The following LRP5 variants were observed in gnomAD, a reference collection of about 807,000 sequenced individuals.
LRP5 encodes low-density lipoprotein receptor-related protein 5.
LRP5 carries 62 observed loss-of-function variants against 154.1 expected under a neutral mutation model. That is an observed-to-expected ratio of 0.40 (90% CI 0.33 to 0.50). LRP5 has a LOEUF of 0.50. LRP5 is among the 20% of genes least tolerant of loss of function. The pLI is 0.55. For synonymous variants in LRP5, 966 were observed against 1,011.5 expected, an observed-to-expected ratio of 0.96 and a Z score of 0.85; for missense variants, 1,915 against 2,336.7, an observed-to-expected ratio of 0.82 and a Z score of 3.72.
chr11:68,332,680 C>T (rs924352929), intron 1 of LRP5, among the ~76,000 whole-genome samples: 10 of 152,178 alleles, frequency 6.6e-5, no homozygotes, highest in African/African-American at 2.2e-4. Flanking sequence ...CTACGGGAGA[C>T]TTGGTCTACT....
At chr11:68,427,106 C>T (rs1239640720) in intron 16 of LRP5, among the ~76,000 whole-genome samples, 1 of 152,222 alleles carries the variant, frequency 6.6e-6, no homozygotes, top group Non-Finnish European at 1.5e-5. Flanking sequence ...TTAGCCTCCC[C>T]TTTGATAGAC....
At chr11:68,299,566 C>G in the LRP5 span, among the ~76,000 whole-genome samples, 2 of 144,770 alleles carry the variant, frequency 1.4e-5, no homozygotes, top group East Asian at 4.0e-4. Flanking sequence ...TGAGGAAGAG[C>G]TGAAGGGGAA....
chr11:68,347,606 AGGT>A (rs2098614219), intron 1 of LRP5, among the ~76,000 whole-genome samples: 1 of 152,236 alleles, frequency 6.6e-6, no homozygotes, highest in Admixed American at 6.5e-5. Context: ...GTAAACAAAC[AGGT>A]GCTGTCACCG....
chr11:68,355,941 G>A (rs937979786), intron 2 of LRP5, among the ~76,000 whole-genome samples: 28 of 151,964 alleles, frequency 1.8e-4, no homozygotes, highest in Middle Eastern at 3.4e-3. Flanking sequence ...CCGGGTTCAC[G>A]CCATTCTCCT....
At chr11:68,366,930 C>G (rs982938420) in intron 5 of LRP5, among the ~76,000 whole-genome samples, 2 of 131,448 alleles carry the variant, frequency 1.5e-5, no homozygotes, top group Non-Finnish European at 3.1e-5. Flanking sequence ...GGCATTGCTC[C>G]GAGGCACTGG....
chr11:68,332,207 T>C (rs1266002721), intron 1 of LRP5, among the ~76,000 whole-genome samples: 1 of 152,224 alleles, frequency 6.6e-6, no homozygotes, highest in African/African-American at 2.4e-5. Context: ...CAAACTGTCC[T>C]TTCCCAACAG....
At position 68,413,916 on chromosome 11, in the gene LRP5, G is replaced by A. The variant is rs1290585823; in HGVS notation, c.2731G>A (p.Gly911Arg). ...CCTCAATGACTGTATGCACAACAAC[G>A]GGCAGTGTGGGCAGCTGTGCCTTGC... ...DGLNDCMHNNGQCGQLCLAIP... is the reference protein window; with the variant it reads ...DGLNDCMHNNRQCGQLCLAIP... The change falls in exon 12 of 23, where the codon GGG becomes AGG. Residue 911 changes from glycine (G) to arginine (R), a missense_variant. Transcript: ENST00000294304. This position sits in a 1 kb window ranked among gnomAD's most constrained non-coding sequence, Gnocchi z 5.1. 9 of 1,611,942 alleles carry A rather than the reference G, an allele frequency of 5.6e-6. No individual in the cohort carries two copies. Among genetic ancestry groups the A allele is most frequent in the Middle Eastern group, 1.6e-4 (1 of 6,084 alleles).
At chr11:68,335,074 CTTTT>C (rs35822609) in intron 1 of LRP5, among the ~76,000 whole-genome samples, 2 of 123,608 alleles carry the variant, frequency 1.6e-5, no homozygotes, top group African/African-American at 3.1e-5. Context: ...CCTGACCTGG[CTTTT>C]TTTTTTTTTT....
chr11:68,444,126 A>G (rs1340403238), intron 21 of LRP5, among the ~76,000 whole-genome samples: 1 of 152,160 alleles, frequency 6.6e-6, no homozygotes, highest in East Asian at 1.9e-4. Context: ...CAGAAACTCT[A>G]TGAGAATTTG....
At chr11:68,323,420 A>T (rs1188546874) in intron 1 of LRP5, among the ~76,000 whole-genome samples, 2 of 142,386 alleles carry the variant, frequency 1.4e-5, no homozygotes, top group East Asian at 4.3e-4. Context: ...GTGCTTTTTA[A>T]ATTTATTTTG....
At chr11:68,342,924 C>T (rs772613128) in intron 1 of LRP5, among the ~76,000 whole-genome samples, 49 of 152,244 alleles carry the variant, frequency 3.2e-4, no homozygotes, top group African/African-American at 5.3e-4. Context: ...CTGCCTCCCT[C>T]GGCTGGGCTG....
rs149080536 is a variant in LRP5 at position 68,411,562 on chromosome 11, C to T, written c.2445C>T (p.Asp815=). 1.9e-4 allele frequency: 309 copies of T among 1,613,780 alleles called. 5 individuals are homozygous for T. The highest frequency in any genetic ancestry group is 1.8e-3 in the Admixed American group (107 of 60,030). Residue 815 remains aspartate (D), a synonymous_variant, in exon 11 of 23, where the codon GAC becomes GAT. Coordinates refer to ENST00000294304, the MANE Select transcript of LRP5 (RefSeq NM_002335.4). The part of the protein sequence containing the change: ...RANDLTIDYA[D]QRLYWTDLDT... ...ACGACCTCACCATTGACTACGCTGA[C>T]CAGCGCCTCTACTGGACCGACCTGG...
At chr11:68,299,826 G>A in the LRP5 span, among the ~76,000 whole-genome samples, 142 of 148,822 alleles carry the variant, frequency 9.5e-4, 3 homozygotes, top group African/African-American at 3.1e-3. Flanking sequence ...CAAGTGATCC[G>A]CCCGCCTCAG....
At chr11:68,322,137 G>T (rs539433990) in intron 1 of LRP5, among the ~76,000 whole-genome samples, 2 of 152,334 alleles carry the variant, frequency 1.3e-5, no homozygotes, top group African/African-American at 2.4e-5. Context: ...GGGCGTGGCC[G>T]TGCTGCCCTG....
chr11:68,350,777 C>G (rs1254665763), intron 2 of LRP5, among the ~76,000 whole-genome samples: 3 of 152,248 alleles, frequency 2.0e-5, no homozygotes, highest in Non-Finnish European at 4.4e-5. Flanking sequence ...AAGCCATTGA[C>G]TGGCTTCTGA....
chr11:68,405,679 T>C (rs1462573892), intron 8 of LRP5, among the ~76,000 whole-genome samples: 1 of 152,224 alleles, frequency 6.6e-6, no homozygotes, highest in Non-Finnish European at 1.5e-5. Flanking sequence ...AGGATTCTTT[T>C]TTTGGCTGAA....
Position 68,341,059 on chromosome 11 carries a change from C to CTT in LRP5, c.92-6770_92-6769dup, listed in dbSNP as rs576462333. Among the ~76,000 whole-genome samples, 101 of 83,472 alleles carry CTT rather than the reference C, an allele frequency of 1.2e-3. 9 individuals carry two copies. The highest frequency in any genetic ancestry group is 3.9e-3 in the African/African-American group (81 of 21,016). The allele number at this position is 83,472 out of a possible 152,430, so 54.8% of individuals were successfully genotyped here. ...GTTACCCCTGCCGCTGGAGATTGTT[C>CTT]TTTTTTTTTTTTTTTTTTTGCTATT... On this transcript the variant is annotated intron_variant, in intron 1 of 22. Coordinates refer to ENST00000294304, the MANE Select transcript of LRP5 (RefSeq NM_002335.4).
intron 5 of LRP5, among the ~76,000 whole-genome samples, chr11:68,366,325 G>T (rs1421648007): frequency 6.6e-6 from 1 of 152,094 alleles, no homozygotes; most frequent in Admixed American, 6.5e-5. Context: ...AGGGCAGGGG[G>T]CTTCCAAGTG....
chr11:68,415,686 A>C lies in LRP5; in HGVS notation c.2828-642A>C, dbSNP rs527400204. Among the ~76,000 whole-genome samples the C allele has an allele frequency of 2.4e-3, 170 of 70,208 alleles. 2 individuals are homozygous for C. The highest frequency in any genetic ancestry group is 0.014 in the Middle Eastern group (2 of 148). The allele number at this position is 70,208 out of a possible 152,430, so 46.1% of individuals were successfully genotyped here. On this transcript the variant is annotated intron_variant, in intron 12 of 22. Transcript: ENST00000294304. The stretch of plus-strand genomic sequence containing the variant: ...CTTGAACTTGGGAGGTGGAAGTTTC[A>C]AGTGAGCTCATTTTGTGCCACTGCA...
Sources: allele counts gnomAD v4.1 joint callset (sites outside exome capture counted in the v4.1 genomes callset), GRCh38; gene constraint gnomAD v4.1.1; non-coding constraint Gnocchi (gnomAD v3.1); transcripts MANE v1.5; gene names NCBI Gene and HGNC (gene_info 2026-07-23, HGNC 2026-07-21).